ROBO1: variants seen among roughly 807,000 people sequenced by gnomAD.
ROBO1 encodes the protein roundabout guidance receptor 1.
Under a neutral mutation model 195.9 loss-of-function variants are expected in ROBO1, and 149 were observed. The ratio of observed to expected loss-of-function variants is 0.76; its 90% CI spans 0.67 to 0.87. ROBO1 has a LOEUF of 0.87. ROBO1 is among the 40% of genes least tolerant of loss of function. ROBO1 has a pLI of 0.00. For synonymous variants in ROBO1, 816 were observed against 733.2 expected (o/e 1.11, Z -1.82); for missense variants, 1,933 against 2,068.3 (o/e 0.93, Z 1.27).
chr3:79,297,702 T>C (rs1007062995), intron 2 of ROBO1, among the ~76,000 whole-genome samples: 3 of 152,260 alleles, frequency 2.0e-5, no homozygotes, highest in East Asian at 3.9e-4. Context: ...TAAAAAGAAA[T>C]TGTTCTAAAT....
At chr3:79,106,537 T>A (rs1183890132) in intron 3 of ROBO1, among the ~76,000 whole-genome samples, 1 of 151,658 alleles carries the variant, frequency 6.6e-6, no homozygotes, top group Non-Finnish European at 1.5e-5. Flanking sequence ...TATATTAATA[T>A]AAATAAACAA....
chr3:79,049,658 G>T (rs2078659346), intron 3 of ROBO1, among the ~76,000 whole-genome samples: 1 of 152,108 alleles, frequency 6.6e-6, no homozygotes. Context: ...GAAGGGTCAG[G>T]TTACCCACAA....
chr3:78,656,539 G>T (rs1364319335), intron 18 of ROBO1, among the ~76,000 whole-genome samples: 1 of 151,800 alleles, frequency 6.6e-6, no homozygotes, highest in Non-Finnish European at 1.5e-5. Context: ...TTTTAGTAGA[G>T]ACGGGGTTTC....
At chr3:78,711,387 C>T (rs1173085036) in intron 8 of ROBO1, among the ~76,000 whole-genome samples, 5 of 39,892 alleles carry the variant, frequency 1.3e-4, no homozygotes, top group Admixed American at 2.7e-4. Context: ...TCCTTCCTTC[C>T]TTCCTTCCTT....
intron 2 of ROBO1, among the ~76,000 whole-genome samples, chr3:79,556,986 T>C: frequency 6.6e-6 from 1 of 150,670 alleles, no homozygotes; most frequent in South Asian, 2.1e-4. Context: ...CCAATGACAT[T>C]TTCTCTCTTA....
intron 2 of ROBO1, among the ~76,000 whole-genome samples, chr3:79,205,719 G>T (rs559754180): frequency 1.3e-5 from 2 of 152,232 alleles, no homozygotes; most frequent in South Asian, 4.1e-4. Flanking sequence ...TTGAATATAA[G>T]ACCCAGTTGA....
chr3:79,654,703 A>G (rs1055660790), intron 1 of ROBO1, among the ~76,000 whole-genome samples: 1 of 144,570 alleles, frequency 6.9e-6, no homozygotes, highest in Non-Finnish European at 1.5e-5. Context: ...TTTGAATTGC[A>G]CTCTGTTTAG....
At chr3:78,977,871 A>G (rs996278929) in intron 3 of ROBO1, among the ~76,000 whole-genome samples, 11 of 152,096 alleles carry the variant, frequency 7.2e-5, no homozygotes, top group Admixed American at 7.2e-4. Flanking sequence ...CAGTCTATTA[A>G]TGTTTTTAAT....
intron 2 of ROBO1, among the ~76,000 whole-genome samples, chr3:79,298,876 G>A (rs62259707): frequency 0.078 from 11,902 of 152,022 alleles, 725 homozygotes; most frequent in East Asian, 0.2. Flanking sequence ...TTTTGAAGGA[G>A]AAAATTACAG....
chr3:79,506,867 G>T (rs976334170), intron 2 of ROBO1, among the ~76,000 whole-genome samples: 1 of 152,196 alleles, frequency 6.6e-6, no homozygotes, highest in Non-Finnish European at 1.5e-5. Flanking sequence ...TGGCAAGTAG[G>T]AAAGAGTGTG....
rs772237798 is a variant in ROBO1, at chr3:78,614,776, T to C, written c.4307A>G (p.Gln1436Arg). The C allele has an allele frequency of 4.3e-5, 69 of 1,610,110 alleles. 2 individuals are homozygous for C. In the South Asian group the frequency reaches 6.7e-4, roughly 16 times the overall value. The change falls in exon 28 of 31, where the codon CAG becomes CGG. Residue 1436 changes from glutamine to arginine, a missense_variant. By Grantham distance (43) the Gln-to-Arg change is conservative. This residue lies in a region of ROBO1 where 1,737 missense variants were observed against 1,882.5 expected (regional missense o/e 0.92). Coordinates refer to ENST00000464233, the MANE Select transcript of ROBO1 (RefSeq NM_002941.4). ...CACGGGACTTGTGGGCCTAGGGCAC[T>C]GAGACGCATGAAAATGTCGACGGCC... ...AAGRRHFHAS[Q>R]CPRPTSPVST...
intron 2 of ROBO1, among the ~76,000 whole-genome samples, chr3:79,261,499 T>C (rs2082937362): frequency 6.6e-6 from 1 of 152,076 alleles, no homozygotes; most frequent in African/African-American, 2.4e-5. Context: ...ATATTCAGCA[T>C]AATGATTTTC....
chr3:79,527,996 A>T (rs1446824136), intron 2 of ROBO1: 1 of 149,210 alleles, frequency 6.7e-6, no homozygotes, highest in East Asian at 1.9e-4. Context: ...TTGAGAAGTT[A>T]TTTTACTGCC....
At chr3:78,743,926 C>T (rs1024787989) in intron 5 of ROBO1, among the ~76,000 whole-genome samples, 3 of 152,258 alleles carry the variant, frequency 2.0e-5, no homozygotes, top group East Asian at 3.9e-4. Context: ...GTGTTTCATC[C>T]GCCAGAAGGA....
At chr3:79,736,092 G>A (rs949433524) in intron 1 of ROBO1, among the ~76,000 whole-genome samples, 5 of 152,128 alleles carry the variant, frequency 3.3e-5, no homozygotes, top group African/African-American at 1.2e-4. Context: ...GAAGAGTGAG[G>A]AACTCCTTTA....
intron 2 of ROBO1, among the ~76,000 whole-genome samples, chr3:79,168,567 C>T (rs2081111000): frequency 6.6e-6 from 1 of 152,068 alleles, no homozygotes; most frequent in Non-Finnish European, 1.5e-5. Context: ...TTTGCCCCTA[C>T]TATTTTGCTT....
chr3:78,989,106 T>C (rs532322959), intron 3 of ROBO1, among the ~76,000 whole-genome samples: 1 of 152,262 alleles, frequency 6.6e-6, no homozygotes, highest in African/African-American at 2.4e-5. Flanking sequence ...AAGTAAGTTC[T>C]AGTGTTCTAT....
At chr3:78,721,686 A>G (rs2082048405) in intron 5 of ROBO1, among the ~76,000 whole-genome samples, 1 of 152,226 alleles carries the variant, frequency 6.6e-6, no homozygotes, top group African/African-American at 2.4e-5. Flanking sequence ...AAATACATAG[A>G]AAAATTGTGA....
At chr3:78,995,928 A>G (rs1199888656) in intron 3 of ROBO1, among the ~76,000 whole-genome samples, 1 of 152,104 alleles carries the variant, frequency 6.6e-6, no homozygotes, top group African/African-American at 2.4e-5. Context: ...CATACATGAT[A>G]TAAGTGAAGG....
Sources: gnomAD v4.1 joint callset for allele counts (sites outside exome capture counted in the v4.1 genomes callset) on GRCh38, gnomAD v4.1.1 for gene constraint, gnomAD v4.1.1 regional missense constraint, MANE v1.5 for transcripts, NCBI Gene and HGNC (gene_info 2026-07-23, HGNC 2026-07-21) for gene names.